The following POLA1 variants were observed in gnomAD, a reference collection of about 807,000 sequenced individuals.
POLA1 encodes DNA polymerase alpha 1, catalytic subunit, also known as DNA polymerase alpha catalytic subunit.
Under a neutral mutation model 124.0 loss-of-function variants are expected in POLA1, and 15 were observed. That is an observed-to-expected ratio of 0.12 (90% CI 0.08 to 0.19). POLA1 has a LOEUF of 0.19. Among genes scored for constraint, POLA1 ranks in the 10% least tolerant of loss-of-function variants. The pLI is 1.00. For synonymous variants in POLA1, 408 were observed against 389.4 expected (o/e 1.05, Z -0.56); for missense variants, 886 against 1,103.4 (o/e 0.80, Z 2.79).
At chrX:24,866,668 G>A (rs181998038) in intron 34 of POLA1, among the ~76,000 whole-genome samples, 9 of 111,230 alleles carry the variant, frequency 8.1e-5, no homozygotes, top group Non-Finnish European at 1.3e-4. Context: ...TTGTTCCTAC[G>A]AAAAAAGAAA....
intron 35 of POLA1, among the ~76,000 whole-genome samples, chrX:24,895,849 A>T (rs1003470267): frequency 3.6e-5 from 4 of 112,633 alleles, no homozygotes; most frequent in Non-Finnish European, 7.5e-5. Context: ...TTCTAGATGG[A>T]CATTGCTCCA....
chrX:24,908,600 G>A (rs1293808715), intron 35 of POLA1, among the ~76,000 whole-genome samples: 1 of 110,805 alleles, frequency 9.0e-6, no homozygotes, highest in African/African-American at 3.3e-5. Context: ...ATTCCATGGT[G>A]TATATGTGCC....
intron 35 of POLA1, among the ~76,000 whole-genome samples, chrX:24,906,572 G>A (rs1785519960): frequency 9.0e-6 from 1 of 110,830 alleles, no homozygotes; most frequent in African/African-American, 3.3e-5. Context: ...ATTGGGTACA[G>A]TATACAATGC....
chrX:24,991,788 A>G (rs1259253609), intron 36 of POLA1, among the ~76,000 whole-genome samples: 1 of 112,735 alleles, frequency 8.9e-6, no homozygotes, highest in African/African-American at 3.2e-5. Flanking sequence ...AAGAAAACTG[A>G]AGATAATTAT....
chrX:24,946,260 G>A (rs1036971995), intron 36 of POLA1, among the ~76,000 whole-genome samples: 11 of 111,033 alleles, frequency 9.9e-5, no homozygotes, highest in Admixed American at 6.7e-4. Flanking sequence ...GCAGCCTTCC[G>A]CAACTTTATA....
At chrX:24,892,655 A>G (rs1479741794) in intron 35 of POLA1, among the ~76,000 whole-genome samples, 1 of 111,905 alleles carries the variant, frequency 8.9e-6, no homozygotes. Context: ...CTCATTATCG[A>G]ACTGGGATTT....
intron 14 of POLA1, among the ~76,000 whole-genome samples, chrX:24,727,569 C>A (rs184743469): frequency 9.0e-6 from 1 of 111,628 alleles, no homozygotes; most frequent in East Asian, 2.8e-4. Flanking sequence ...AAGCTATAGA[C>A]CTCTTTCCCA....
chrX:24,733,370 C>G (rs1931057844), intron 16 of POLA1, among the ~76,000 whole-genome samples: 1 of 112,298 alleles, frequency 8.9e-6, no homozygotes, highest in Non-Finnish European at 1.9e-5. Context: ...AAGGAACTTA[C>G]AGTGTGTAAT....
At chrX:24,704,567 AG>A in intron 4 of POLA1, 98 bp downstream of exon 4, 1 of 555,371 alleles carries the variant, frequency 1.8e-6, no homozygotes, top group South Asian at 2.9e-5. Flanking sequence ...CTTTGAGAGA[AG>A]GACCTAACTA....
chrX:24,714,669 T>G lies in POLA1; in HGVS notation c.462T>G (p.Asp154Glu). ...CTTGTGCTGGAAAGAAAACTGCAGATGTGAGTTTCATGGTTTCCTTATTTT... is the reference window on the plus strand; with the variant it reads ...CTTGTGCTGGAAAGAAAACTGCAGAGGTGAGTTTCATGGTTTCCTTATTTT... ...FIACAGKKTA[D>E]KAVDLSKDGL... Residue 154 changes from aspartate (D) to glutamate (E), a missense_variant and splice_region_variant, in exon 5 of 37, where the codon GAT becomes GAG. Asp to Glu is a conservative substitution (Grantham distance 45). Around this residue, in one of 7 missense-constraint regions of POLA1, gnomAD observed 337 missense variants for 402.8 expected, o/e 0.84. Coordinates refer to ENST00000379068, the MANE Select transcript of POLA1 (RefSeq NM_001330360.2). 1 of 1,083,171 alleles carries G rather than the reference T, an allele frequency of 9.2e-7. No individual in the cohort carries two copies. The highest frequency in any genetic ancestry group is 1.3e-6 in the Non-Finnish European group (1 of 788,093). The allele number at this position is 1,083,171 out of a possible 1,213,427, so 89.3% of individuals were successfully genotyped here.
intron 34 of POLA1, among the ~76,000 whole-genome samples, chrX:24,866,292 C>T (rs180910150): frequency 8.9e-6 from 1 of 111,812 alleles, no homozygotes; most frequent in Admixed American, 9.5e-5. Flanking sequence ...ATTAGTGGCC[C>T]GTAGCTTACC....
At chrX:24,855,825 A>G (rs2147089274) in intron 34 of POLA1, among the ~76,000 whole-genome samples, 1 of 111,030 alleles carries the variant, frequency 9.0e-6, no homozygotes, top group African/African-American at 3.3e-5. Context: ...TTGACCCCGC[A>G]GAATCCTCGG....
rs1402070371 is a variant in POLA1 at position 24,815,023 on chromosome X, T to C, written c.3341T>C (p.Ile1114Thr). Residue 1114 changes from isoleucine to threonine, a missense_variant, in exon 30 of 37, where the codon ATA becomes ACA. Physicochemically the swap from Ile to Thr is moderately conservative, Grantham distance 89. Coordinates refer to ENST00000379068, the MANE Select transcript of POLA1 (RefSeq NM_001330360.2). Reference sequence around the variant, plus strand: ...CTTTCTGATCAAAGCCGGGACACTATAGTGGAAAACATTCAGAAGAGGCTG... The same window carrying C: ...CTTTCTGATCAAAGCCGGGACACTACAGTGGAAAACATTCAGAAGAGGCTG... ...QILSDQSRDT[I>T]VENIQKRLIE... is the part of the protein sequence containing the mutation. 8.5e-7 allele frequency: 1 copy of C among 1,173,218 alleles called. No individual in the cohort carries two copies. The highest frequency in any genetic ancestry group is 1.2e-6 in the Non-Finnish European group (1 of 869,316).
rs1256310833 is a variant in POLA1, at chrX:24,959,248, G to A, written c.4261+28699G>A. ...TGGGAGGCCACAGTGGGCGGATCAC[G>A]AGGTCAGGAGTTCAAGACCAGCCTG... On this transcript the variant is annotated intron_variant, in intron 36 of 36. Transcript: ENST00000379068. Among the ~76,000 whole-genome samples, 2 of 111,311 alleles carry A rather than the reference G, an allele frequency of 1.8e-5. 1 individual carries two copies. Among genetic ancestry groups the A allele is most frequent in the Admixed American group, 1.9e-4 (2 of 10,476 alleles).
At chrX:24,973,784 C>G (rs5944706) in intron 36 of POLA1, among the ~76,000 whole-genome samples, 17,073 of 111,078 alleles carry the variant, frequency 0.15, 1,012 homozygotes, top group South Asian at 0.42. Flanking sequence ...TTGGTTGCTG[C>G]GGACAACCAA....
intron 34 of POLA1, among the ~76,000 whole-genome samples, chrX:24,846,951 G>T (rs906673652): frequency 1.8e-5 from 2 of 112,308 alleles, no homozygotes; most frequent in Non-Finnish European, 3.8e-5. Context: ...TCTTGGGATT[G>T]TGCTTTTACA....
intron 26 of POLA1, among the ~76,000 whole-genome samples, chrX:24,789,313 G>A (rs1045165102): frequency 2.7e-5 from 3 of 111,602 alleles, no homozygotes; most frequent in African/African-American, 6.5e-5. Flanking sequence ...CTGTAAATTC[G>A]GAGGATACAA....
At chrX:24,864,457 G>A (rs1219241091) in intron 34 of POLA1, among the ~76,000 whole-genome samples, 1 of 111,720 alleles carries the variant, frequency 9.0e-6, no homozygotes, top group African/African-American at 3.3e-5. Flanking sequence ...TGCTATAGTG[G>A]TTTAATTAAA....
chrX:24,737,809 C>G, intron 19 of POLA1, 68 bp downstream of exon 19: 1 of 490,326 alleles, frequency 2.0e-6, no homozygotes, highest in Admixed American at 3.5e-5. Context: ...AAGGAACACA[C>G]TATACTTTTT....
Sources: gnomAD v4.1 joint callset for allele counts (sites outside exome capture counted in the v4.1 genomes callset) on GRCh38, gnomAD v4.1.1 for gene constraint, gnomAD v4.1.1 regional missense constraint, MANE v1.5 for transcripts, NCBI Gene and HGNC (gene_info 2026-07-23, HGNC 2026-07-21) for gene names.